Variants in KCNC2 observed in about 807,000 individuals in gnomAD.
KCNC2 encodes voltage-gated potassium channel KCNC2.
Under a neutral mutation model 44.5 loss-of-function variants are expected in KCNC2, and 21 were observed. That is an observed-to-expected ratio of 0.47 (90% CI 0.33 to 0.68). The LOEUF is 0.68. KCNC2 is among the 30% of genes least tolerant of loss of function. The pLI is 0.01. For synonymous variants in KCNC2, 391 were observed against 339.1 expected, an observed-to-expected ratio of 1.15 and a Z score of -1.68; for missense variants, 589 against 826.2, an observed-to-expected ratio of 0.71 and a Z score of 3.52.
intron 2 of KCNC2, among the ~76,000 whole-genome samples, chr12:75,190,316 A>G: frequency 6.6e-6 from 1 of 152,090 alleles, no homozygotes. Context: ...CTCATCTCTA[A>G]GACCTCTATC....
rs1213822656 is a variant in KCNC2 at position 75,042,084 on chromosome 12, GA to G, written c.*1020del. ...AAAAAAGCCTTCTGTGAACACCAGT[GA>G]CATTTGATGTTTGCACAAAAAATTA... is the stretch of plus-strand genomic sequence containing the variant. On this transcript the variant is annotated 3_prime_UTR_variant, in exon 5 of 5. Transcript: ENST00000549446. 2 of 1,215,354 alleles carry G rather than the reference GA, an allele frequency of 1.6e-6. No individual in the cohort carries two copies. Among genetic ancestry groups the G allele is most frequent in the Non-Finnish European group, 1.0e-6 (1 of 977,176 alleles). The allele number at this position is 1,215,354 out of a possible 1,614,324, so 75.3% of individuals were successfully genotyped here.
intron 2 of KCNC2, among the ~76,000 whole-genome samples, chr12:75,133,835 G>C (rs1889031240): frequency 6.6e-6 from 1 of 151,840 alleles, no homozygotes; most frequent in African/African-American, 2.4e-5. Flanking sequence ...ACTGGGCTAG[G>C]CAGTAACAAG....
At chr12:75,091,969 C>T (rs1252593998) in intron 2 of KCNC2, among the ~76,000 whole-genome samples, 3 of 151,482 alleles carry the variant, frequency 2.0e-5, no homozygotes, top group African/African-American at 7.3e-5. Context: ...AAAAAATATA[C>T]ATGTTTCATT....
chr12:75,073,591 A>G (rs1320900800), intron 2 of KCNC2, among the ~76,000 whole-genome samples: 1 of 152,196 alleles, frequency 6.6e-6, no homozygotes, highest in Non-Finnish European at 1.5e-5. Flanking sequence ...ATTCTGCACA[A>G]TTTGAAAGAC....
At chr12:75,159,077 A>G (rs780457235) in intron 2 of KCNC2, among the ~76,000 whole-genome samples, 1 of 141,084 alleles carries the variant, frequency 7.1e-6, no homozygotes, top group Non-Finnish European at 1.5e-5. Context: ...ATGAGAACAC[A>G]TGGACACAGG....
At chr12:75,196,498 A>T (rs546078900) in intron 2 of KCNC2, among the ~76,000 whole-genome samples, 4 of 152,180 alleles carry the variant, frequency 2.6e-5, no homozygotes, top group Admixed American at 2.0e-4. Flanking sequence ...GAGTAATAAT[A>T]ATACAAATGA....
Position 75,051,300 on chromosome 12 carries a change from A to G in KCNC2, c.705T>C (p.Ser235=), listed in dbSNP as rs779657655. ...TAATTGAAACCAGGATGAAGAATAA[A>G]GAAGCAAAAGCAATAAACTGTAGAG... The part of the protein sequence containing the change: ...SRAARFIAFA[S]LFFILVSITT... The change falls in exon 3 of 5, where the codon TCT becomes TCC. Residue 235 remains serine, a synonymous_variant. Transcript: ENST00000549446. The G allele has an allele frequency of 1.3e-5, 20 of 1,587,474 alleles. No individual in the cohort carries two copies. The highest frequency in any genetic ancestry group is 1.6e-5 in the Non-Finnish European group (18 of 1,161,248).
intron 2 of KCNC2, among the ~76,000 whole-genome samples, chr12:75,175,782 A>C (rs1187668052): frequency 6.6e-6 from 1 of 152,054 alleles, no homozygotes. Context: ...ATTTCACTGC[A>C]GCATAACGCA....
At chr12:75,056,813 C>T (rs1311158112) in intron 2 of KCNC2, among the ~76,000 whole-genome samples, 3 of 151,960 alleles carry the variant, frequency 2.0e-5, no homozygotes, top group African/African-American at 7.2e-5. Flanking sequence ...GCAACATGTA[C>T]TTACATGGAA....
rs138356131 is a variant in KCNC2, at chr12:75,048,267, C to T, written c.1666G>A (p.Glu556Lys). Residue 556 changes from glutamate (E) to lysine (K), a missense_variant, in exon 4 of 5, where the codon GAA becomes AAA. Glu to Lys is a moderately conservative substitution (Grantham distance 56). Transcript: ENST00000549446. ...CTAGAGCGTCTGATGGGGAGCCTTT[C>T]TGGGGGTGATAGTGGCGGCTCACTT... is the stretch of plus-strand genomic sequence containing the variant. ...TGSEPPLSPPERLPIRRSSTR... is the reference protein window; with the variant it reads ...TGSEPPLSPPKRLPIRRSSTR... The T allele has an allele frequency of 6.2e-6, 10 of 1,612,968 alleles. No individual in the cohort carries two copies. The highest frequency in any genetic ancestry group is 8.5e-6 in the Non-Finnish European group (10 of 1,179,328).
At chr12:75,077,513 T>C (rs985339089) in intron 2 of KCNC2, among the ~76,000 whole-genome samples, 1 of 152,218 alleles carries the variant, frequency 6.6e-6, no homozygotes, top group Non-Finnish European at 1.5e-5. Flanking sequence ...AAGTATCTGA[T>C]ACAAATCATT....
chr12:75,050,909 C>T lies in KCNC2; in HGVS notation c.1096G>A (p.Val366Ile), dbSNP rs148618018. 3 of 1,613,714 alleles carry T rather than the reference C, an allele frequency of 1.9e-6. No homozygotes were observed. Among genetic ancestry groups the T allele is most frequent in the South Asian group, 2.2e-5 (2 of 91,066 alleles). ...GTATGTCCAAGCACCCTCAGACCTA[C>T]AAAATGGCGGGTGAGCTTGAAAATT... ...LRIFKLTRHF[V>I]GLRVLGHTLR... is the part of the protein sequence containing the mutation. The change falls in exon 3 of 5, where the codon GTA becomes ATA. Residue 366 changes from valine (V) to isoleucine (I), a missense_variant. Physicochemically the swap from Val to Ile is conservative, Grantham distance 29. Transcript: ENST00000549446.
intron 2 of KCNC2, among the ~76,000 whole-genome samples, chr12:75,190,701 A>C (rs2030121830): frequency 6.6e-6 from 1 of 152,206 alleles, no homozygotes; most frequent in Non-Finnish European, 1.5e-5. Flanking sequence ...TCTTAGTTCC[A>C]TAAAGAAATT....
chr12:75,201,004 A>C (rs774028221), intron 2 of KCNC2, among the ~76,000 whole-genome samples: 1 of 151,714 alleles, frequency 6.6e-6, no homozygotes, highest in African/African-American at 2.4e-5. Flanking sequence ...GAGATTATCT[A>C]ATCGGTTACC....
intron 2 of KCNC2, among the ~76,000 whole-genome samples, chr12:75,203,995 A>T (rs2031493501): frequency 6.6e-6 from 1 of 151,976 alleles, no homozygotes; most frequent in Admixed American, 6.5e-5. Flanking sequence ...TTAAATTGAA[A>T]ATATACAGTG....
Position 75,042,159 on chromosome 12 carries a change from G to C in KCNC2, c.*946C>G, listed in dbSNP as rs1447407720. The stretch of plus-strand genomic sequence containing the variant: ...GTAAAAAAAAGACACAAGAGCTTTG[G>C]GTGATATTTGGCACTCTGCCTCTGA... On this transcript the variant is annotated 3_prime_UTR_variant, in exon 5 of 5. Coordinates refer to ENST00000549446, the MANE Select transcript of KCNC2 (RefSeq NM_139137.4). 3.1e-6 allele frequency: 4 copies of C among 1,276,218 alleles called. No homozygotes were observed. The highest frequency in any genetic ancestry group is 4.0e-6 in the Non-Finnish European group (4 of 1,006,032). 79.1% of individuals were successfully genotyped at this position (1,276,218 alleles called of 1,614,324 possible).
At chr12:75,182,344 G>A (rs1892641870) in intron 2 of KCNC2, among the ~76,000 whole-genome samples, 1 of 151,240 alleles carries the variant, frequency 6.6e-6, no homozygotes, top group African/African-American at 2.4e-5. Flanking sequence ...TTAACACGGT[G>A]AAACCCCATC....
intron 2 of KCNC2, among the ~76,000 whole-genome samples, chr12:75,192,803 T>A (rs1186092649): frequency 6.6e-6 from 1 of 152,140 alleles, no homozygotes; most frequent in East Asian, 1.9e-4. Flanking sequence ...ACAGAATTAT[T>A]CAGATGGTGA....
intron 2 of KCNC2, among the ~76,000 whole-genome samples, chr12:75,135,348 T>C (rs1889151607): frequency 6.6e-6 from 1 of 152,074 alleles, no homozygotes; most frequent in Admixed American, 6.6e-5. Flanking sequence ...TGTGTCTCTC[T>C]TTGCTACAGG....
Sources: allele counts gnomAD v4.1 joint callset (sites outside exome capture counted in the v4.1 genomes callset), GRCh38; gene constraint gnomAD v4.1.1; transcripts MANE v1.5; gene names NCBI Gene and HGNC (gene_info 2026-07-23, HGNC 2026-07-21).